The following ESRRG variants were observed in gnomAD, a reference collection of about 807,000 sequenced individuals.
ESRRG encodes estrogen related receptor gamma.
A neutral mutation model predicts 44.0 loss-of-function variants in ESRRG; 13 were observed. The ratio of observed to expected loss-of-function variants is 0.30; its 90% confidence interval spans 0.19 to 0.47. The LOEUF (loss-of-function observed/expected upper bound fraction) is 0.47, where lower values mean the gene tolerates loss of function less well. Ranked by LOEUF, ESRRG falls within the 20% of genes least tolerant of loss-of-function variation. The probability of loss-of-function intolerance (pLI) is 1.00; values close to 1 mark genes in which losing one functional copy is unlikely to be tolerated. For synonymous variants in ESRRG, 215 were observed against 214.6 expected (o/e 1.00, Z -0.02); for missense variants, 395 against 580.6 (o/e 0.68, Z 3.29).
intron 2 of ESRRG, among the ~76,000 whole-genome samples, chr1:216,822,646 G>A (rs943784160): frequency 2.6e-5 from 4 of 152,164 alleles, no homozygotes; most frequent in African/African-American, 7.2e-5. Context: ...AAGGATTTCT[G>A]CTACTCCTGA....
intron 1 of ESRRG, among the ~76,000 whole-genome samples, chr1:217,125,051 T>A (rs1354122229): frequency 6.6e-6 from 1 of 152,124 alleles, no homozygotes; most frequent in Non-Finnish European, 1.5e-5. Context: ...AAATTCTCAC[T>A]CCAGGGCCTC....
chr1:216,768,116 G>A (rs2093177300), intron 2 of ESRRG, among the ~76,000 whole-genome samples: 1 of 152,080 alleles, frequency 6.6e-6, no homozygotes, highest in South Asian at 2.1e-4. Context: ...TTCAGTTGAG[G>A]AAATCCAGGT....
chr1:216,908,547 C>T (rs2059936663), intron 2 of ESRRG, among the ~76,000 whole-genome samples: 1 of 152,150 alleles, frequency 6.6e-6, no homozygotes, highest in South Asian at 2.1e-4. Context: ...GTCACACACA[C>T]ACCAATTTCA....
intron 2 of ESRRG, among the ~76,000 whole-genome samples, chr1:216,810,927 T>C (rs968468004): frequency 8.6e-5 from 13 of 151,694 alleles, no homozygotes. Context: ...AAAAGCAATA[T>C]ATTTAGGAAC....
At chr1:217,101,598 T>C (rs2151568266) in intron 1 of ESRRG, among the ~76,000 whole-genome samples, 1 of 152,266 alleles carries the variant, frequency 6.6e-6, no homozygotes, top group Non-Finnish European at 1.5e-5. Flanking sequence ...AGTATCATCA[T>C]CTGTAGGATC....
intron 3 of ESRRG, among the ~76,000 whole-genome samples, chr1:216,605,212 C>A (rs947754300): frequency 6.6e-6 from 1 of 152,068 alleles, no homozygotes; most frequent in Non-Finnish European, 1.5e-5. Flanking sequence ...AGTACTATGG[C>A]GTGTGAACCA....
At chr1:216,753,385 A>G (rs1439916193) in intron 2 of ESRRG, among the ~76,000 whole-genome samples, 1 of 152,082 alleles carries the variant, frequency 6.6e-6, no homozygotes, top group East Asian at 1.9e-4. Flanking sequence ...CACTTTTCTT[A>G]TCAAAGAAGG....
chr1:216,589,591 G>A (rs1407437653), intron 3 of ESRRG, among the ~76,000 whole-genome samples: 4 of 151,960 alleles, frequency 2.6e-5, no homozygotes, highest in Non-Finnish European at 4.4e-5. Context: ...GGAGAAAATT[G>A]GTGACTACTG....
At chr1:216,973,564 T>A (rs899709887) in intron 1 of ESRRG, among the ~76,000 whole-genome samples, 1 of 152,184 alleles carries the variant, frequency 6.6e-6, no homozygotes, top group Non-Finnish European at 1.5e-5. Flanking sequence ...CAATGGCTCA[T>A]GCCTGTAATC....
chr1:216,851,924 CA>C (rs11324399), intron 2 of ESRRG, among the ~76,000 whole-genome samples: 5,957 of 147,298 alleles, frequency 0.04, 391 homozygotes, highest in African/African-American at 0.14. Flanking sequence ...TAATAAGATA[CA>C]AAAAAAAAAT....
chr1:217,064,167 G>A (rs969483724), intron 1 of ESRRG, among the ~76,000 whole-genome samples: 8 of 142,526 alleles, frequency 5.6e-5, no homozygotes, highest in African/African-American at 8.6e-5. Flanking sequence ...ATATATACAC[G>A]TTGTATAGAT....
chr1:216,559,696 A>C (rs928908128), intron 5 of ESRRG, among the ~76,000 whole-genome samples: 1 of 152,332 alleles, frequency 6.6e-6, no homozygotes. Context: ...TAATCACTTA[A>C]TGGTGCTACT....
chr1:216,613,472 C>T (rs2060954445), intron 3 of ESRRG, among the ~76,000 whole-genome samples: 1 of 152,158 alleles, frequency 6.6e-6, no homozygotes, highest in Admixed American at 6.5e-5. Flanking sequence ...TATAAAAATA[C>T]ATTATCTGTA....
intron 2 of ESRRG, among the ~76,000 whole-genome samples, chr1:216,868,810 A>G (rs553737041): frequency 6.6e-6 from 1 of 152,324 alleles, no homozygotes; most frequent in South Asian, 2.1e-4. Context: ...CATTTTCCTC[A>G]TAACTAATGG....
intron 3 of ESRRG, among the ~76,000 whole-genome samples, chr1:216,622,090 C>T (rs1308447513): frequency 2.0e-5 from 3 of 152,188 alleles, no homozygotes; most frequent in Admixed American, 6.5e-5. Context: ...TCAGCTGGAT[C>T]GTATCTACTT....
chr1:216,983,264 C>A (rs557964597), intron 1 of ESRRG, among the ~76,000 whole-genome samples: 3 of 151,678 alleles, frequency 2.0e-5, no homozygotes, highest in Non-Finnish European at 4.4e-5. Context: ...CAGGGTCTCG[C>A]TCTGTTACCC....
At chr1:216,846,232 G>T (rs1542002) in intron 2 of ESRRG, among the ~76,000 whole-genome samples, 2 of 151,854 alleles carry the variant, frequency 1.3e-5, no homozygotes, top group Admixed American at 1.3e-4. Flanking sequence ...ATATTTCCAC[G>T]TCTTTACGTA....
chr1:217,051,930 A>ATTAT (rs1431385693), intron 1 of ESRRG, among the ~76,000 whole-genome samples: 9 of 151,104 alleles, frequency 6.0e-5, no homozygotes, highest in South Asian at 2.1e-4. Flanking sequence ...CACCCAGATA[A>ATTAT]TTATTTATTT....
intron 2 of ESRRG, among the ~76,000 whole-genome samples, chr1:216,767,088 GA>G (rs1180392562): frequency 6.6e-6 from 1 of 152,042 alleles, no homozygotes; most frequent in Non-Finnish European, 1.5e-5. Flanking sequence ...ACAGTAAAGG[GA>G]AAGGCACTTG....
Sources: allele counts gnomAD v4.1 joint callset (sites outside exome capture counted in the v4.1 genomes callset), GRCh38; gene constraint gnomAD v4.1.1; transcripts MANE v1.5; gene names NCBI Gene and HGNC (gene_info 2026-07-23, HGNC 2026-07-21).